NCAPD3: variants seen among roughly 807,000 people sequenced by gnomAD.
The protein encoded by NCAPD3 is condensin-2 complex subunit D3.
A neutral mutation model predicts 182.9 loss-of-function variants in NCAPD3; 105 were observed. The observed-to-expected ratio is 0.57, with a 90% CI of 0.49 to 0.68. The LOEUF (loss-of-function observed/expected upper bound fraction) is 0.68. Among genes scored for constraint, NCAPD3 ranks in the 30% least tolerant of loss-of-function variants. The pLI, the probability that NCAPD3 is intolerant of heterozygous loss-of-function variation, is 0.00. For synonymous variants in NCAPD3, 815 were observed against 679.9 expected, an observed-to-expected ratio of 1.20 and a Z score of -3.09; for missense variants, 1,944 against 1,837.0, an observed-to-expected ratio of 1.06 and a Z score of -1.07.
At chr11:134,201,995 A>G (rs561740997) in intron 13 of NCAPD3, among the ~76,000 whole-genome samples, 107 of 152,302 alleles carry the variant, frequency 7.0e-4, no homozygotes, top group Middle Eastern at 6.8e-3. Flanking sequence ...AGTGTTCCGC[A>G]TACATGTGTG....
intron 34 of NCAPD3, 44 bp from the exon 35 acceptor site, chr11:134,153,096 C>T (rs756383858): frequency 1.2e-6 from 2 of 1,612,470 alleles, no homozygotes; most frequent in Non-Finnish European, 1.7e-6. Flanking sequence ...TCAGAAAAAC[C>T]CTGACAGAAA....
At chr11:134,179,095 T>TA (rs1390506634) in intron 20 of NCAPD3, among the ~76,000 whole-genome samples, 159 bp from the exon 21 acceptor site, 10 of 152,350 alleles carry the variant, frequency 6.6e-5, no homozygotes, top group African/African-American at 2.4e-4. Context: ...TGTAAAAACT[T>TA]AGTCACTATG....
At chr11:134,225,444 G>T (rs1433979938), upstream of NCAPD3, 2 of 1,212,644 alleles carry the variant, frequency 1.6e-6, no homozygotes, top group Non-Finnish European at 2.4e-6. Flanking sequence ...TGTCACAGTC[G>T]CTTGTCAACT....
rs765355523 is a variant in NCAPD3, at chr11:134,178,694, G to A, written c.2722C>T (p.Pro908Ser). The A allele has an allele frequency of 6.2e-7, 1 of 1,601,586 alleles. No homozygotes were observed. Among genetic ancestry groups the A allele is most frequent in the Non-Finnish European group, 8.5e-7 (1 of 1,172,384 alleles). Residue 908 changes from proline to serine, a missense_variant, in exon 22 of 35, where the codon CCC (proline) becomes TCC (serine). This residue lies in a region of NCAPD3 where 1,803 missense variants were observed against 1,674.6 expected (regional missense o/e 1.08). Coordinates refer to ENST00000534548, the MANE Select transcript of NCAPD3 (RefSeq NM_015261.3). The stretch of plus-strand genomic sequence containing the variant: ...GGCATGACAGAACCTCTGACCTGGG[G>A]GGGTGGCTGAGACGCTGGGGCCTCA... ...SSEAPASQPP[P>S]QVRGSVMPSV...
At chr11:134,197,442 A>G (rs1944656853) in intron 13 of NCAPD3, among the ~76,000 whole-genome samples, 1 of 151,904 alleles carries the variant, frequency 6.6e-6, no homozygotes, top group African/African-American at 2.4e-5. Context: ...ATGCCCAGCT[A>G]ATTTTTGTAT....
intron 16 of NCAPD3, among the ~76,000 whole-genome samples, 161 bp downstream of exon 16, chr11:134,192,528 G>C (rs1453968016): frequency 6.6e-6 from 1 of 152,236 alleles, no homozygotes; most frequent in African/African-American, 2.4e-5. Context: ...AAATATCTAA[G>C]AGATTGGAAG....
intron 11 of NCAPD3, 84 bp from the exon 12 acceptor site, chr11:134,203,282 AT>A: frequency 9.8e-7 from 1 of 1,017,482 alleles, no homozygotes; most frequent in Non-Finnish European, 1.5e-6. Context: ...AATCAAGATA[AT>A]TAGGCTCAAA....
intron 13 of NCAPD3, among the ~76,000 whole-genome samples, chr11:134,200,950 C>T (rs1224646913): frequency 6.6e-6 from 1 of 151,774 alleles, no homozygotes; most frequent in Non-Finnish European, 1.5e-5. Context: ...TGAAAACACG[C>T]TATAGGTGAA....
chr11:134,205,080 C>G (rs535897148), intron 8 of NCAPD3, 109 bp from the exon 9 acceptor site: 4 of 782,204 alleles, frequency 5.1e-6, no homozygotes, highest in Non-Finnish European at 8.5e-6. Flanking sequence ...CTCTACCTCA[C>G]GCTATAAGAG....
intron 32 of NCAPD3, among the ~76,000 whole-genome samples, chr11:134,155,391 G>A (rs1308211354): frequency 2.0e-5 from 3 of 152,144 alleles, no homozygotes; most frequent in African/African-American, 7.2e-5. Context: ...CCCAGGAAGG[G>A]GAGACCTCCA....
chr11:134,217,180 G>C lies in NCAPD3; in HGVS notation c.220-82C>G. ...TATTATTTGATTTTTGTAAGTTCTT[G>C]GTGCCTTACAAAAAGAGGAATAGAG... On this transcript the variant is annotated intron_variant, in intron 2 of 34. Transcript: ENST00000534548. 2.3e-6 allele frequency: 3 copies of C among 1,323,510 alleles called. No homozygotes were observed. The African/African-American group carries it at 4.5e-5, about 20-fold the overall frequency. The allele number at this position is 1,323,510 out of a possible 1,614,324, so 82.0% of individuals were successfully genotyped here.
chr11:134,168,562 C>G lies in NCAPD3; in HGVS notation c.3280G>C (p.Glu1094Gln), dbSNP rs1565528187. 1 of 1,614,102 alleles carries G rather than the reference C, an allele frequency of 6.2e-7. No homozygotes were observed. The highest frequency in any genetic ancestry group is 8.5e-7 in the Non-Finnish European group (1 of 1,179,978). ...AATTTGTAGATTTTCATTCGTCTCT[C>G]TTTGTTTGACTTTCCCTTCAATGAA... ...LFSLKGKSNK[E>Q]RRMKIYKFLL... Residue 1094 changes from glutamate to glutamine, a missense_variant, in exon 26 of 35, where the codon GAG becomes CAG. Glu to Gln is a conservative substitution (Grantham distance 29, BLOSUM62 2). This residue lies in a region of NCAPD3 where 1,803 missense variants were observed against 1,674.6 expected (regional missense o/e 1.08). Transcript: ENST00000534548.
At chr11:134,164,890 G>A (rs770839267) in intron 27 of NCAPD3, among the ~76,000 whole-genome samples, 1 of 149,290 alleles carries the variant, frequency 6.7e-6, no homozygotes, top group Admixed American at 6.7e-5. Flanking sequence ...CTTGTGACAT[G>A]AGCTTAGGGG....
intron 27 of NCAPD3, among the ~76,000 whole-genome samples, chr11:134,163,893 G>C (rs78235327): frequency 8.3e-6 from 1 of 120,500 alleles, no homozygotes; most frequent in African/African-American, 3.5e-5. Context: ...AAAAAAAAAA[G>C]AAAAAGAAAG....
intron 26 of NCAPD3, 72 bp downstream of exon 26, chr11:134,168,397 C>T (rs1943921176): frequency 2.5e-6 from 4 of 1,593,024 alleles, no homozygotes; most frequent in Middle Eastern, 1.7e-4. Context: ...TACTAGAGGC[C>T]TGCTGGGCCA....
At chr11:134,201,256 T>A (rs912364109) in intron 13 of NCAPD3, among the ~76,000 whole-genome samples, 36 of 152,068 alleles carry the variant, frequency 2.4e-4, no homozygotes, top group African/African-American at 8.4e-4. Context: ...TCTCCTGACC[T>A]CGTGATCCTC....
chr11:134,202,701 T>C, intron 13 of NCAPD3, 115 bp downstream of exon 13: 2 of 775,744 alleles, frequency 2.6e-6, no homozygotes, highest in East Asian at 2.7e-5. Flanking sequence ...CTGTTTCAAC[T>C]CTTAGGGGTG....
In NCAPD3 at chr11:134,223,679, G is replaced by GC. The variant is rs1369842516; in HGVS notation, c.64+183dup. On this transcript the variant is annotated intron_variant, in intron 1 of 34. Transcript: ENST00000534548. Reference sequence around the variant, plus strand: ...TCTAAGGGTGGCCTGGCCGGCTTGAGCCCCCACGGGAAACCTGGCTAGCCG... The same window carrying GC: ...TCTAAGGGTGGCCTGGCCGGCTTGAGCCCCCCACGGGAAACCTGGCTAGCCG... Among the ~76,000 whole-genome samples the GC allele has an allele frequency of 6.6e-5, 10 of 152,212 alleles. No homozygotes were observed. In the East Asian group the frequency reaches 1.7e-3, roughly 26 times the overall value.
intron 28 of NCAPD3, 121 bp downstream of exon 28, chr11:134,161,660 G>T: frequency 1.5e-6 from 1 of 684,496 alleles, no homozygotes; most frequent in Non-Finnish European, 2.6e-6. Flanking sequence ...AGGTAATGTT[G>T]GGTTTGCAGA....
Sources: allele counts gnomAD v4.1 joint callset (sites outside exome capture counted in the v4.1 genomes callset), GRCh38; gene constraint gnomAD v4.1.1; regional missense constraint gnomAD v4.1.1; transcripts MANE v1.5; gene names NCBI Gene and HGNC (gene_info 2026-07-23, HGNC 2026-07-21).